Variants in ARHGAP42 observed in about 807,000 individuals in gnomAD.
The protein encoded by ARHGAP42 is rho GTPase-activating protein 42.
In ARHGAP42, 63 loss-of-function variants were observed where a neutral mutation model predicts 125.0. That is an observed-to-expected ratio of 0.50 (90% CI 0.41 to 0.62). ARHGAP42 has a LOEUF of 0.62. Among genes scored for constraint, ARHGAP42 ranks in the 20% least tolerant of loss-of-function variants. The pLI is 0.00. For synonymous variants in ARHGAP42, 339 were observed against 351.0 expected (o/e 0.97, Z 0.38); for missense variants, 766 against 1,024.2 (o/e 0.75, Z 3.44).
intron 2 of ARHGAP42, among the ~76,000 whole-genome samples, chr11:100,778,755 A>C (rs995607229): frequency 6.6e-6 from 1 of 152,202 alleles, no homozygotes; most frequent in African/African-American, 2.4e-5. Flanking sequence ...TTTGAAATTC[A>C]AAAGCTTAGG....
intron 1 of ARHGAP42, among the ~76,000 whole-genome samples, chr11:100,746,173 T>A (rs938230918): frequency 6.9e-6 from 1 of 144,408 alleles, no homozygotes; most frequent in Admixed American, 6.8e-5. Context: ...GGCTGACTGA[T>A]TGATAAGCTC....
rs551074447 is a variant in ARHGAP42, at chr11:100,733,825, GAAAAAAAAAAAAA to G, written c.155-36504_155-36492del. Among the ~76,000 whole-genome samples, 36 of 31,386 alleles carry G rather than the reference GAAAAAAAAAAAAA, an allele frequency of 1.1e-3. 5 individuals are homozygous for G. Among genetic ancestry groups the G allele is most frequent in the Non-Finnish European group, 1.0e-3 (19 of 18,196 alleles). The allele number at this position is 31,386 out of a possible 152,430, so 20.6% of individuals were successfully genotyped here. A position where few individuals can be genotyped will look rare whatever the true frequency, so the allele number is the denominator to read the frequency against. ...GGGCAACAGAGCAAGATTCTGTCTG[GAAAAAAAAAAAAA>G]AAAAAAAAAAAAAGCACTCCATTTA... On this transcript the variant is annotated intron_variant, in intron 1 of 23. Coordinates refer to ENST00000298815, the MANE Select transcript of ARHGAP42 (RefSeq NM_152432.4).
intron 3 of ARHGAP42, among the ~76,000 whole-genome samples, chr11:100,817,451 TC>T (rs1207930441): frequency 1.3e-5 from 2 of 152,166 alleles, no homozygotes; most frequent in Non-Finnish European, 2.9e-5. Flanking sequence ...TAGGGGAGCT[TC>T]TTATCTTTAT....
At chr11:100,858,114 TG>T (rs1565244960) in intron 3 of ARHGAP42, among the ~76,000 whole-genome samples, 1,982 of 149,280 alleles carry the variant, frequency 0.013, 39 homozygotes, top group Non-Finnish European at 0.015. Flanking sequence ...TGTGTGTGTG[TG>T]TGTGTGTGTT....
chr11:100,906,052 T>C (rs1239805509), intron 4 of ARHGAP42, among the ~76,000 whole-genome samples: 2 of 152,226 alleles, frequency 1.3e-5, no homozygotes. Flanking sequence ...GCTGGTTGCT[T>C]TAAAGTTCAA....
intron 1 of ARHGAP42, among the ~76,000 whole-genome samples, chr11:100,712,699 G>A (rs990741119): frequency 6.6e-6 from 1 of 152,162 alleles, no homozygotes; most frequent in African/African-American, 2.4e-5. Context: ...GAGGGAAGGA[G>A]TTAATGAGTT....
chr11:100,837,228 T>C (rs974677691), intron 3 of ARHGAP42, among the ~76,000 whole-genome samples: 3 of 152,310 alleles, frequency 2.0e-5, no homozygotes, highest in Admixed American at 1.3e-4. Flanking sequence ...AAGACACAGA[T>C]ATTCACTTAT....
At chr11:100,912,462 T>G (rs1377155712) in intron 4 of ARHGAP42, among the ~76,000 whole-genome samples, 1 of 152,114 alleles carries the variant, frequency 6.6e-6, no homozygotes, top group African/African-American at 2.4e-5. Flanking sequence ...CTGAACATGC[T>G]TATAAACACC....
intron 6 of ARHGAP42, among the ~76,000 whole-genome samples, chr11:100,931,382 T>C (rs776955426): frequency 1.3e-5 from 2 of 152,246 alleles, no homozygotes; most frequent in Non-Finnish European, 2.9e-5. Flanking sequence ...GGTGTAGTTC[T>C]GAATGGTTTA....
intron 3 of ARHGAP42, among the ~76,000 whole-genome samples, chr11:100,846,510 C>T (rs747638659): frequency 3.3e-5 from 5 of 152,156 alleles, no homozygotes; most frequent in African/African-American, 4.8e-5. Flanking sequence ...CCACCTCCTA[C>T]CCTACCCCCA....
intron 10 of ARHGAP42, among the ~76,000 whole-genome samples, chr11:100,946,598 G>A (rs558802459): frequency 3.9e-5 from 6 of 152,154 alleles, no homozygotes; most frequent in Non-Finnish European, 5.9e-5. Flanking sequence ...GAATAGGGAA[G>A]CTAAGGGGAG....
intron 6 of ARHGAP42, among the ~76,000 whole-genome samples, chr11:100,926,304 T>C (rs1565279202): frequency 6.6e-6 from 1 of 152,216 alleles, no homozygotes. Flanking sequence ...TACAGAAAGA[T>C]TGTTGGTTGC....
intron 4 of ARHGAP42, among the ~76,000 whole-genome samples, chr11:100,904,860 T>G (rs937045418): frequency 6.6e-6 from 1 of 152,250 alleles, no homozygotes; most frequent in Non-Finnish European, 1.5e-5. Flanking sequence ...GATTTATTAT[T>G]CTTACCTTGT....
At chr11:100,700,459 C>T (rs1591114745) in intron 1 of ARHGAP42, among the ~76,000 whole-genome samples, 2 of 152,340 alleles carry the variant, frequency 1.3e-5, no homozygotes, top group South Asian at 4.1e-4. Flanking sequence ...TGATAGCATT[C>T]ACCCATAGTA....
At chr11:100,746,632 G>C (rs1313676402) in intron 1 of ARHGAP42, among the ~76,000 whole-genome samples, 2 of 152,190 alleles carry the variant, frequency 1.3e-5, no homozygotes. Flanking sequence ...TTTGGCATGA[G>C]GTGAGTCATA....
chr11:100,787,980 CT>C (rs5794068), intron 2 of ARHGAP42, among the ~76,000 whole-genome samples: 86,780 of 151,976 alleles, frequency 0.57, 25,599 homozygotes, highest in South Asian at 0.72. Context: ...AGAGATGCCC[CT>C]AACCCTATGC....
At chr11:100,949,712 A>G (rs1868124535) in intron 11 of ARHGAP42, among the ~76,000 whole-genome samples, 1 of 152,122 alleles carries the variant, frequency 6.6e-6, no homozygotes, top group South Asian at 2.1e-4. Context: ...ACAGCCACGG[A>G]TGGAAAAGGA....
At position 100,977,102 on chromosome 11, in the gene ARHGAP42, C is replaced by G. The variant is rs894753427; in HGVS notation, c.2393+131C>G. The G allele has an allele frequency of 1.3e-4, 133 of 1,021,086 alleles. 1 individual carries two copies. Among genetic ancestry groups the G allele is most frequent in the Middle Eastern group, 2.3e-4 (1 of 4,376 alleles). 63.3% of individuals were successfully genotyped at this position (1,021,086 alleles called of 1,614,324 possible). ...ACTTTATCTGTAGAGTGGGTACAGT[C>G]CACTTCTGTAAGACTCTATTCTTTT... On this transcript the variant is annotated intron_variant, in intron 21 of 23. Coordinates refer to ENST00000298815, the MANE Select transcript of ARHGAP42 (RefSeq NM_152432.4).
rs1487238353 is a variant in ARHGAP42 at position 100,739,317 on chromosome 11, G to C, written c.155-31026G>C. The stretch of plus-strand genomic sequence containing the variant: ...AGTTAAAGTTCAGGACCATTCACTT[G>C]GTTCTTAAACAATCTTGTTTTAACC... On this transcript the variant is annotated intron_variant, in intron 1 of 23. Transcript: ENST00000298815. Among the ~76,000 whole-genome samples, 4 of 151,348 alleles carry C rather than the reference G, an allele frequency of 2.6e-5. No individual in the cohort carries two copies. In the East Asian group the frequency reaches 7.8e-4, roughly 29 times the overall value.
Sources: allele counts gnomAD v4.1 joint callset (sites outside exome capture counted in the v4.1 genomes callset), GRCh38; gene constraint gnomAD v4.1.1; transcripts MANE v1.5; gene names NCBI Gene and HGNC (gene_info 2026-07-23, HGNC 2026-07-21).